KIT: variants seen among roughly 807,000 people sequenced by gnomAD.
The protein encoded by KIT is KIT proto-oncogene, receptor tyrosine kinase, also known as mast/stem cell growth factor receptor Kit.
A neutral mutation model predicts 105.7 loss-of-function variants in KIT; 16 were observed. The ratio of observed to expected loss-of-function variants is 0.15; its 90% CI spans 0.10 to 0.23. KIT has a LOEUF of 0.23. Ranked by LOEUF, KIT falls within the 10% of genes least tolerant of loss-of-function variation. The probability of loss-of-function intolerance (pLI) is 1.00; values close to 1 mark genes in which losing one functional copy is unlikely to be tolerated. For missense variants in KIT, 858 were observed against 1,213.8 expected, an observed-to-expected ratio of 0.71 and a Z score of 4.36; for synonymous variants, 438 against 441.1, an observed-to-expected ratio of 0.99 and a Z score of 0.09.
intron 1 of KIT, among the ~76,000 whole-genome samples, chr4:54,675,973 G>A (rs185177412): frequency 1.3e-3 from 196 of 152,268 alleles, no homozygotes; most frequent in Middle Eastern, 3.4e-3. Flanking sequence ...TTGGGGATTC[G>A]AGAAATCTGT....
chr4:54,716,835 T>G (rs889156254), intron 7 of KIT, among the ~76,000 whole-genome samples: 3 of 152,232 alleles, frequency 2.0e-5, no homozygotes, highest in Non-Finnish European at 4.4e-5. Flanking sequence ...TGTTGTTATC[T>G]TTCATGCTCT....
intron 7 of KIT, among the ~76,000 whole-genome samples, chr4:54,715,430 C>T (rs1337647191): frequency 6.6e-6 from 1 of 151,132 alleles, no homozygotes; most frequent in African/African-American, 2.4e-5. Context: ...ATTTATTTGG[C>T]TCACATTTCT....
intron 1 of KIT, among the ~76,000 whole-genome samples, chr4:54,674,066 C>T (rs1261734494): frequency 6.6e-6 from 1 of 152,148 alleles, no homozygotes; most frequent in African/African-American, 2.4e-5. Flanking sequence ...CCACCGTGCC[C>T]GGCCTCATAG....
At chr4:54,670,828 CT>C (rs952903418) in intron 1 of KIT, among the ~76,000 whole-genome samples, 8 of 152,214 alleles carry the variant, frequency 5.3e-5, no homozygotes, top group Admixed American at 4.6e-4. Flanking sequence ...ACAGAGCGGG[CT>C]TGCTGGGTTT....
At chr4:54,678,948 C>T (rs1357713981) in intron 1 of KIT, among the ~76,000 whole-genome samples, 1 of 151,812 alleles carries the variant, frequency 6.6e-6, no homozygotes, top group Non-Finnish European at 1.5e-5. Context: ...CCCTCCCCCA[C>T]CTTTGCTGTG....
Position 54,658,675 on chromosome 4 carries a change from C to A in KIT, c.67+594C>A, listed in dbSNP as rs551457074. ...TGCTCGCGGCGCCACCCGTGGAGAC[C>A]AATCGAAGGCTGCGGCGTTTCCCCG... On this transcript the variant is annotated intron_variant, in intron 1 of 20. Coordinates refer to ENST00000288135, the MANE Select transcript of KIT (RefSeq NM_000222.3). Among the ~76,000 whole-genome samples, 588 of 152,214 alleles carry A rather than the reference C, an allele frequency of 3.9e-3. 2 individuals carry two copies. Among genetic ancestry groups the A allele is most frequent in the South Asian group, 8.7e-3 (42 of 4,812 alleles).
intron 1 of KIT, among the ~76,000 whole-genome samples, chr4:54,674,677 T>C (rs1718340957): frequency 6.6e-6 from 1 of 152,232 alleles, no homozygotes; most frequent in Admixed American, 6.5e-5. Flanking sequence ...AAATAAGTTA[T>C]TAAAAATTTG....
chr4:54,707,136 A>G lies in KIT; in HGVS notation c.964A>G (p.Thr322Ala), dbSNP rs147540142. Reference protein sequence around the residue: ...FINIFPMINTTVFVNDGENVD... With the variant: ...FINIFPMINTAVFVNDGENVD... ...TAATATCTTCCCCATGATAAACACT[A>G]CAGTATTTGTAAACGATGGAGAAAA... is the stretch of plus-strand genomic sequence containing the variant. The change falls in exon 6 of 21, where the codon ACA becomes GCA. Residue 322 changes from threonine to alanine, a missense_variant. Physicochemically the swap from Thr to Ala is moderately conservative, Grantham distance 58 (BLOSUM62 0). Transcript: ENST00000288135. 1 of 1,570,912 alleles carries G rather than the reference A, an allele frequency of 6.4e-7. No homozygotes were observed. The highest frequency in any genetic ancestry group is 1.4e-5 in the African/African-American group (1 of 74,024).
chr4:54,724,105 G>A (rs138338534), intron 8 of KIT, among the ~76,000 whole-genome samples: 213 of 152,238 alleles, frequency 1.4e-3, no homozygotes, highest in African/African-American at 4.8e-3. Context: ...AGTAATGATC[G>A]CACAATTACA....
At chr4:54,692,814 T>C (rs540203124) in intron 1 of KIT, among the ~76,000 whole-genome samples, 3 of 152,316 alleles carry the variant, frequency 2.0e-5, no homozygotes, top group African/African-American at 7.2e-5. Context: ...TGTTGCTGCC[T>C]AATAATATTT....
intron 17 of KIT, among the ~76,000 whole-genome samples, chr4:54,734,671 A>G (rs1722815338): frequency 6.6e-6 from 1 of 152,154 alleles, no homozygotes; most frequent in Non-Finnish European, 1.5e-5. Context: ...AAGGAAACTC[A>G]TATATGTTAC....
intron 8 of KIT, 50 bp downstream of exon 8, chr4:54,723,748 C>A: frequency 2.0e-6 from 2 of 1,020,282 alleles, no homozygotes; most frequent in Non-Finnish European, 3.1e-6. Context: ...GGAAGGACTG[C>A]AATTCACTTG....
intron 6 of KIT, among the ~76,000 whole-genome samples, chr4:54,707,853 T>C (rs187769533): frequency 9.2e-5 from 14 of 152,142 alleles, no homozygotes; most frequent in African/African-American, 3.4e-4. Context: ...TCACAGACTT[T>C]GTGAGTAGAC....
chr4:54,683,165 A>G lies in KIT; in HGVS notation c.68-12347A>G, dbSNP rs1719069365. Among the ~76,000 whole-genome samples, 4 of 152,222 alleles carry G rather than the reference A, an allele frequency of 2.6e-5. No homozygotes were observed. In the South Asian group the frequency reaches 8.3e-4, roughly 31 times the overall value. ...ACCTCAGCATTTATTTCTTCTAAGC[A>G]TTTAATTACAGATCTTAGAATTGTT... On this transcript the variant is annotated intron_variant, in intron 1 of 20. Coordinates refer to ENST00000288135, the MANE Select transcript of KIT (RefSeq NM_000222.3).
intron 1 of KIT, among the ~76,000 whole-genome samples, chr4:54,665,175 T>C (rs1717599035): frequency 2.0e-5 from 3 of 152,156 alleles, no homozygotes; most frequent in Admixed American, 2.0e-4. Flanking sequence ...TCACATACCG[T>C]AACATCCTCA....
chr4:54,715,592 C>T (rs184610973), intron 7 of KIT, among the ~76,000 whole-genome samples: 5 of 152,022 alleles, frequency 3.3e-5, no homozygotes, highest in East Asian at 1.9e-4. Flanking sequence ...AATCGGATCT[C>T]GAGGGAGCTA....
chr4:54,728,694 A>G (rs936945085), intron 13 of KIT, among the ~76,000 whole-genome samples: 9 of 152,230 alleles, frequency 5.9e-5, no homozygotes, highest in African/African-American at 2.2e-4. Flanking sequence ...TGACAGCCTT[A>G]TATCATGTCT....
intron 15 of KIT, 53 bp downstream of exon 15, chr4:54,731,472 A>G (rs569752292): frequency 3.4e-4 from 397 of 1,158,924 alleles, no homozygotes; most frequent in Non-Finnish European, 4.8e-4. Flanking sequence ...GAGTATGTAT[A>G]TCATGCTAAT....
At chr4:54,688,820 A>G (rs557420335) in intron 1 of KIT, among the ~76,000 whole-genome samples, 9 of 152,268 alleles carry the variant, frequency 5.9e-5, no homozygotes, top group Non-Finnish European at 8.8e-5. Flanking sequence ...TACAACGCAC[A>G]GGCTCTGCCC....
Sources: allele counts gnomAD v4.1 joint callset (sites outside exome capture counted in the v4.1 genomes callset), GRCh38; gene constraint gnomAD v4.1.1; transcripts MANE v1.5; gene names NCBI Gene and HGNC (gene_info 2026-07-23, HGNC 2026-07-21).